Variants in SLC35F4 observed in about 807,000 individuals in gnomAD.
The protein encoded by SLC35F4 is chromosome 14 open reading frame 36.
In SLC35F4, 24 loss-of-function variants were observed where a neutral mutation model predicts 44.2. That is an observed-to-expected ratio of 0.54 (90% confidence interval 0.39 to 0.76). The LOEUF is 0.76. Among genes scored for constraint, SLC35F4 ranks in the 30% least tolerant of loss-of-function variants. The pLI, the probability that SLC35F4 is intolerant of heterozygous loss-of-function variation, is 0.00. For synonymous variants in SLC35F4, 238 were observed against 223.6 expected, an observed-to-expected ratio of 1.06 and a Z score of -0.57; for missense variants, 562 against 586.1, an observed-to-expected ratio of 0.96 and a Z score of 0.42.
chr14:57,775,094 GCA>G (rs1403652619), intron 1 of SLC35F4, among the ~76,000 whole-genome samples: 1 of 152,198 alleles, frequency 6.6e-6, no homozygotes, highest in Admixed American at 6.5e-5. Context: ...CTGAGTGAAT[GCA>G]CACAGAGTGT....
chr14:57,572,058 C>T, intron 4 of SLC35F4, 39 bp from the exon 5 acceptor site: 2 of 1,587,594 alleles, frequency 1.3e-6, no homozygotes, highest in Non-Finnish European at 1.7e-6. Flanking sequence ...AAGCAATGAT[C>T]CCTCTGTATC....
At chr14:57,957,291 G>A (rs537995105) in intron 1 of SLC35F4, among the ~76,000 whole-genome samples, 1 of 152,208 alleles carries the variant, frequency 6.6e-6, no homozygotes, top group African/African-American at 2.4e-5. Flanking sequence ...GACTGTCAGG[G>A]GGTAGGGGCT....
At chr14:57,735,460 G>T (rs2076439671) in intron 1 of SLC35F4, among the ~76,000 whole-genome samples, 1 of 152,152 alleles carries the variant, frequency 6.6e-6, no homozygotes, top group Non-Finnish European at 1.5e-5. Flanking sequence ...GGGCCAGAAG[G>T]TTCCAGATGG....
At chr14:57,761,531 G>A (rs1028002649) in intron 1 of SLC35F4, among the ~76,000 whole-genome samples, 3 of 152,094 alleles carry the variant, frequency 2.0e-5, no homozygotes, top group Admixed American at 2.0e-4. Context: ...AATAATTTCT[G>A]ATATGCACTG....
At chr14:57,651,199 C>CA (rs1429779949) in intron 1 of SLC35F4, among the ~76,000 whole-genome samples, 1 of 152,156 alleles carries the variant, frequency 6.6e-6, no homozygotes, top group Non-Finnish European at 1.5e-5. Flanking sequence ...AGCTGGTGCA[C>CA]AAAACATGTC....
chr14:57,691,786 A>G (rs1291374105), intron 1 of SLC35F4, among the ~76,000 whole-genome samples: 1 of 152,188 alleles, frequency 6.6e-6, no homozygotes, highest in African/African-American at 2.4e-5. Context: ...CTCTAATAGG[A>G]GAGACGAGAT....
rs553094480 is a variant in SLC35F4, at chr14:57,745,121, A to G, written c.103+120602T>C. Among the ~76,000 whole-genome samples, 34 of 152,374 alleles carry G rather than the reference A, an allele frequency of 2.2e-4. No homozygotes were observed. In the Middle Eastern group the frequency reaches 0.01, roughly 46 times the overall value. On this transcript the variant is annotated intron_variant, in intron 1 of 7. Transcript: ENST00000556826. ...AGACTTAAATGTTAGACCTAAAACC[A>G]TAAAAACCCTGGAAGAAAACCTAGG...
chr14:57,610,507 G>A (rs947337423), intron 1 of SLC35F4, among the ~76,000 whole-genome samples: 4 of 152,198 alleles, frequency 2.6e-5, no homozygotes, highest in Admixed American at 6.5e-5. Context: ...TGGGCTGTAA[G>A]ACAAACTTCG....
intron 1 of SLC35F4, among the ~76,000 whole-genome samples, chr14:57,643,826 T>C (rs1009618399): frequency 6.6e-6 from 1 of 152,094 alleles, no homozygotes; most frequent in Admixed American, 6.6e-5. Flanking sequence ...GTCCATGTGT[T>C]CTCATTGTTC....
In SLC35F4 at chr14:57,628,079, C is replaced by A. The variant is rs78337830; in HGVS notation, c.104-33955G>T. On this transcript the variant is annotated intron_variant, in intron 1 of 7. Coordinates refer to ENST00000556826, the MANE Select transcript of SLC35F4 (RefSeq NM_001306087.2). ...CTTATATAGAATTCTTTCTTTATAT[C>A]ATTTCCTTGTCTACGTACATTTTTG... Among the ~76,000 whole-genome samples, 505 of 152,100 alleles carry A rather than the reference C, an allele frequency of 3.3e-3. 6 individuals are homozygous for A. The highest frequency in any genetic ancestry group is 0.011 in the African/African-American group (462 of 41,506).
chr14:57,566,412 G>A (rs2068208390), intron 7 of SLC35F4, 63 bp downstream of exon 7: 1 of 1,478,590 alleles, frequency 6.8e-7, no homozygotes, highest in Non-Finnish European at 9.2e-7. Context: ...TCAGGACACA[G>A]AACAAACACA....
chr14:57,721,280 T>G (rs185495942), intron 1 of SLC35F4, among the ~76,000 whole-genome samples: 4 of 152,108 alleles, frequency 2.6e-5, no homozygotes, highest in Admixed American at 2.6e-4. Context: ...GCAAAATAAA[T>G]GCATTTGACA....
At chr14:57,788,996 G>C (rs529457168) in intron 1 of SLC35F4, among the ~76,000 whole-genome samples, 1 of 152,218 alleles carries the variant, frequency 6.6e-6, no homozygotes, top group African/African-American at 2.4e-5. Context: ...AGAATCTCTG[G>C]GACACAGCTA....
chr14:57,718,223 A>G (rs940614905), intron 1 of SLC35F4, among the ~76,000 whole-genome samples: 1 of 152,026 alleles, frequency 6.6e-6, no homozygotes, highest in Non-Finnish European at 1.5e-5. Flanking sequence ...TAAATATCAT[A>G]TTTTCTTTAT....
chr14:57,854,004 C>A (rs2140992339), intron 1 of SLC35F4, among the ~76,000 whole-genome samples: 1 of 152,260 alleles, frequency 6.6e-6, no homozygotes, highest in Non-Finnish European at 1.5e-5. Flanking sequence ...GGCATAGAAC[C>A]AGCTTGCCAA....
intron 1 of SLC35F4, among the ~76,000 whole-genome samples, chr14:57,832,656 T>A (rs1422279889): frequency 6.6e-6 from 1 of 152,334 alleles, no homozygotes; most frequent in East Asian, 1.9e-4. Flanking sequence ...CAGAGAATGA[T>A]AACTAAAGTC....
chr14:57,766,764 G>T (rs1422042452), intron 1 of SLC35F4, among the ~76,000 whole-genome samples: 3 of 152,130 alleles, frequency 2.0e-5, no homozygotes, highest in African/African-American at 7.2e-5. Flanking sequence ...AATTAAAAGT[G>T]TTCAATAAAA....
intron 2 of SLC35F4, among the ~76,000 whole-genome samples, chr14:57,592,239 T>C (rs750499193): frequency 6.6e-6 from 1 of 152,232 alleles, no homozygotes; most frequent in African/African-American, 2.4e-5. Flanking sequence ...AGCCCTGCCA[T>C]TGTATGGCAT....
chr14:57,938,616 T>C (rs562238122), intron 1 of SLC35F4, among the ~76,000 whole-genome samples: 1 of 152,234 alleles, frequency 6.6e-6, no homozygotes, highest in Non-Finnish European at 1.5e-5. Flanking sequence ...ACATGGCATT[T>C]GTCTCAGTCC....
Sources: gnomAD v4.1 joint callset for allele counts (sites outside exome capture counted in the v4.1 genomes callset) on GRCh38, gnomAD v4.1.1 for gene constraint, MANE v1.5 for transcripts, NCBI Gene and HGNC (gene_info 2026-07-23, HGNC 2026-07-21) for gene names.